PAX5: variants seen among roughly 807,000 people sequenced by gnomAD.
The protein encoded by PAX5 is paired box protein Pax-5.
A neutral mutation model predicts 43.7 loss-of-function variants in PAX5; 9 were observed. That is an observed-to-expected ratio of 0.21 (90% CI 0.12 to 0.36). The LOEUF (loss-of-function observed/expected upper bound fraction) is 0.36, where lower values mean the gene tolerates loss of function less well. Ranked by LOEUF, PAX5 falls within the 10% of genes least tolerant of loss-of-function variation. PAX5 has a pLI of 1.00. For synonymous variants in PAX5, 228 were observed against 214.3 expected, an observed-to-expected ratio of 1.06 and a Z score of -0.56; for missense variants, 383 against 532.7, an observed-to-expected ratio of 0.72 and a Z score of 2.77.
chr9:36,867,557 C>A (rs1825021231), intron 8 of PAX5, among the ~76,000 whole-genome samples: 1 of 139,814 alleles, frequency 7.2e-6, no homozygotes, highest in Non-Finnish European at 1.5e-5. Flanking sequence ...GTCTTCTTAG[C>A]AGCATTGTGA....
intron 8 of PAX5, among the ~76,000 whole-genome samples, chr9:36,868,452 G>A (rs1825113969): frequency 6.6e-6 from 1 of 152,238 alleles, no homozygotes; most frequent in African/African-American, 2.4e-5. Context: ...GGTGCACACA[G>A]TGGGGAGATG....
At chr9:36,908,586 G>A (rs1400427465) in intron 7 of PAX5, among the ~76,000 whole-genome samples, 1 of 152,214 alleles carries the variant, frequency 6.6e-6, no homozygotes, top group Non-Finnish European at 1.5e-5. Context: ...ATGAATGGCA[G>A]AAGCTCTGCA....
At chr9:36,860,198 G>A (rs954932889) in intron 8 of PAX5, among the ~76,000 whole-genome samples, 7 of 151,610 alleles carry the variant, frequency 4.6e-5, no homozygotes, top group African/African-American at 7.3e-5. Context: ...TTAGCCGGGC[G>A]TGGTGGCACA....
intron 6 of PAX5, among the ~76,000 whole-genome samples, chr9:36,954,860 A>G (rs556261527): frequency 1.4e-4 from 21 of 152,108 alleles, no homozygotes; most frequent in Non-Finnish European, 2.5e-4. Context: ...GGACTTTCTC[A>G]TGATATTTTG....
rs1341615829 is a variant in PAX5 at position 37,015,726 on chromosome 9, T to A, written c.213-532A>T. 2.0e-5 allele frequency among the ~76,000 whole-genome samples: 3 copies of A among 152,134 alleles called. No individual in the cohort carries two copies. The highest frequency in any genetic ancestry group is 2.9e-5 in the Non-Finnish European group (2 of 68,030). ...TCCCGAGTAGCTGGGATTACAGGCA[T>A]GTGCCACCATGCCCAGCTAATTTTG... On this transcript the variant is annotated intron_variant, in intron 2 of 9. Transcript: ENST00000358127. The surrounding 1 kb of genome is among the most constrained non-coding windows in gnomAD (Gnocchi z 4.4).
In PAX5 at chr9:36,846,942, G is replaced by A. The variant is rs1364087876; in HGVS notation, c.1013-13C>T. 1.3e-6 allele frequency: 2 copies of A among 1,583,676 alleles called. No homozygotes were observed. Among genetic ancestry groups the A allele is most frequent in the Non-Finnish European group, 1.7e-6 (2 of 1,152,430 alleles). On this transcript the variant is annotated splice_polypyrimidine_tract_variant and intron_variant, in intron 8 of 9. Transcript: ENST00000358127. ...GAAAACTCACTCCCTGTGTATGGTG[G>A]GTGGAGAGAGAAACAGGAACCAAAC...
intron 6 of PAX5, among the ~76,000 whole-genome samples, chr9:36,935,667 A>G (rs1831491184): frequency 6.6e-6 from 1 of 152,206 alleles, no homozygotes; most frequent in Non-Finnish European, 1.5e-5. Context: ...GAATTTTAGT[A>G]AGCCCCAAAT....
At chr9:36,964,902 A>G (rs1036566776) in intron 6 of PAX5, among the ~76,000 whole-genome samples, 1 of 152,124 alleles carries the variant, frequency 6.6e-6, no homozygotes, top group Non-Finnish European at 1.5e-5. Flanking sequence ...TCCTCAACCC[A>G]GTCTACAAGA....
At chr9:36,960,064 T>G (rs1323556437) in intron 6 of PAX5, among the ~76,000 whole-genome samples, 1 of 152,056 alleles carries the variant, frequency 6.6e-6, no homozygotes, top group Non-Finnish European at 1.5e-5. Context: ...CCCAATATAT[T>G]TATGAGCTCA....
intron 5 of PAX5, among the ~76,000 whole-genome samples, chr9:36,988,482 G>A (rs530282250): frequency 3.3e-5 from 5 of 152,182 alleles, no homozygotes; most frequent in African/African-American, 7.2e-5. Flanking sequence ...GCAACAAAGC[G>A]AGATCTTGTC....
chr9:36,946,776 A>G (rs1299973809), intron 6 of PAX5, among the ~76,000 whole-genome samples: 1 of 152,216 alleles, frequency 6.6e-6, no homozygotes, highest in African/African-American at 2.4e-5. Flanking sequence ...AAGCATCCCC[A>G]GGAGACAGTT....
At position 36,838,231 on chromosome 9, in the gene PAX5, C is replaced by G. The variant is rs917102407; in HGVS notation, c.*2329G>C. 5 of 233,058 alleles carry G rather than the reference C, an allele frequency of 2.1e-5. No homozygotes were observed. The highest frequency in any genetic ancestry group is 8.8e-5 in the African/African-American group (4 of 45,318). The allele number at this position is 233,058 out of a possible 1,614,324, so 14.4% of individuals were successfully genotyped here. A position where few individuals can be genotyped will look rare whatever the true frequency, so the allele number is the denominator to read the frequency against. ...TGCCTGCTGTGAGCTCGCTGGGCTC[C>G]ATCCCTGGCCTGGGTGACCAGGCTT... On this transcript the variant is annotated 3_prime_UTR_variant, in exon 10 of 10. Transcript: ENST00000358127.
intron 6 of PAX5, among the ~76,000 whole-genome samples, chr9:36,958,710 C>T (rs1833706464): frequency 6.8e-6 from 1 of 147,590 alleles, no homozygotes; most frequent in African/African-American, 2.4e-5. Context: ...CCTGATATTC[C>T]CTGATTTAAA....
chr9:36,877,050 G>T (rs1279055203), intron 8 of PAX5, among the ~76,000 whole-genome samples: 4 of 152,234 alleles, frequency 2.6e-5, no homozygotes, highest in African/African-American at 9.6e-5. Context: ...TGGAAATGAA[G>T]TGGTGGCCGG....
intron 6 of PAX5, among the ~76,000 whole-genome samples, chr9:36,927,579 A>G (rs1359457011): frequency 1.3e-5 from 2 of 152,204 alleles, no homozygotes; most frequent in African/African-American, 4.8e-5. Context: ...CCGAAAATCC[A>G]GGCATCCAAC....
chr9:36,939,662 G>A (rs1043926446), intron 6 of PAX5, among the ~76,000 whole-genome samples: 2 of 152,190 alleles, frequency 1.3e-5, no homozygotes, highest in African/African-American at 4.8e-5. Flanking sequence ...GCTCCTGACA[G>A]CCTGCTAAGG....
intron 9 of PAX5, 100 bp downstream of exon 9, chr9:36,846,743 T>C (rs1822615830): frequency 1.3e-6 from 1 of 769,220 alleles, no homozygotes; most frequent in Non-Finnish European, 2.2e-6. Flanking sequence ...CCCACCTCAG[T>C]GACCAGACCT....
intron 6 of PAX5, among the ~76,000 whole-genome samples, chr9:36,948,699 TC>T (rs1353844032): frequency 6.6e-6 from 1 of 152,098 alleles, no homozygotes; most frequent in African/African-American, 2.4e-5. Context: ...TCCCAGAAAC[TC>T]CCCAGTGCAA....
chr9:36,897,907 T>G (rs1327470496), intron 7 of PAX5, among the ~76,000 whole-genome samples: 4 of 152,208 alleles, frequency 2.6e-5, no homozygotes, highest in African/African-American at 9.6e-5. Flanking sequence ...GCCCGGGAGA[T>G]AGGGCTGAGC....
Sources: gnomAD v4.1 joint callset for allele counts (sites outside exome capture counted in the v4.1 genomes callset) on GRCh38, gnomAD v4.1.1 for gene constraint, Gnocchi (gnomAD v3.1) non-coding constraint, MANE v1.5 for transcripts, NCBI Gene and HGNC (gene_info 2026-07-23, HGNC 2026-07-21) for gene names.